CMIP: variants seen among roughly 807,000 people sequenced by gnomAD.
The protein encoded by CMIP is C-Maf-inducing protein.
CMIP carries 13 observed loss-of-function variants against 97.3 expected under a neutral mutation model. That is an observed-to-expected ratio of 0.13 (90% CI 0.09 to 0.21). The LOEUF (loss-of-function observed/expected upper bound fraction) is 0.21. Among genes scored for constraint, CMIP ranks in the 10% least tolerant of loss-of-function variants. The probability of loss-of-function intolerance (pLI) is 1.00; values close to 1 mark genes in which losing one functional copy is unlikely to be tolerated. For missense variants in CMIP, 847 were observed against 1,024.9 expected (o/e 0.83, Z 2.37); for synonymous variants, 538 against 436.3 (o/e 1.23, Z -2.91).
At chr16:81,522,697 C>T (rs534542416) in intron 1 of CMIP, among the ~76,000 whole-genome samples, 2 of 152,240 alleles carry the variant, frequency 1.3e-5, no homozygotes, top group East Asian at 3.9e-4. Context: ...ATTTCTACCG[C>T]CCCGACTAGA....
intron 16 of CMIP, among the ~76,000 whole-genome samples, chr16:81,702,137 A>T (rs964483017): frequency 6.6e-6 from 1 of 152,164 alleles, no homozygotes; most frequent in African/African-American, 2.4e-5. Context: ...GTATGTCCAC[A>T]TGCATATACT....
In CMIP at chr16:81,707,704, AAC is replaced by A. The variant is rs1171863800; in HGVS notation, c.2268+625_2268+626del. ...GGTGGAAGGCAGGGGCGTTTTAAGA[AAC>A]ACACGTGCACATCTTGGGAAGGTTG... On this transcript the variant is annotated intron_variant, in intron 20 of 20. Coordinates refer to ENST00000537098, the MANE Select transcript of CMIP (RefSeq NM_198390.3). Among the ~76,000 whole-genome samples, 8 of 152,220 alleles carry A rather than the reference AAC, an allele frequency of 5.3e-5. No individual in the cohort carries two copies. In the East Asian group the frequency reaches 1.5e-3, roughly 29 times the overall value.
intron 1 of CMIP, among the ~76,000 whole-genome samples, chr16:81,544,345 G>A (rs2090503659): frequency 6.6e-6 from 1 of 152,212 alleles, no homozygotes; most frequent in Non-Finnish European, 1.5e-5. Flanking sequence ...AGTCTCTTTG[G>A]TGCTATGTGT....
chr16:81,487,922 G>A (rs950569101), intron 1 of CMIP, among the ~76,000 whole-genome samples: 1 of 152,194 alleles, frequency 6.6e-6, no homozygotes, highest in African/African-American at 2.4e-5. Context: ...ATCTTCGAAT[G>A]CCTCTTCTTG....
chr16:81,622,086 C>G (rs1057376474), intron 3 of CMIP: 1 of 152,254 alleles, frequency 6.6e-6, no homozygotes, highest in Admixed American at 6.5e-5. Context: ...CTCTGCTAGT[C>G]TCATCATGTC....
intron 9 of CMIP, among the ~76,000 whole-genome samples, chr16:81,674,394 G>C (rs1567653116): frequency 6.6e-6 from 1 of 152,210 alleles, no homozygotes; most frequent in Non-Finnish European, 1.5e-5. Flanking sequence ...GCCTCCCAAA[G>C]TGCTGGGATT....
At chr16:81,500,558 C>T (rs1402071109) in intron 1 of CMIP, among the ~76,000 whole-genome samples, 7 of 150,040 alleles carry the variant, frequency 4.7e-5, no homozygotes, top group Admixed American at 2.7e-4. Flanking sequence ...GTGCGATCTC[C>T]GCTCACTGCA....
At chr16:81,545,926 C>A (rs936963315) in intron 1 of CMIP, among the ~76,000 whole-genome samples, 1 of 152,146 alleles carries the variant, frequency 6.6e-6, no homozygotes, top group African/African-American at 2.4e-5. Flanking sequence ...GGTGTCACCC[C>A]CTCACTGCAG....
intron 1 of CMIP, among the ~76,000 whole-genome samples, chr16:81,547,205 A>G (rs539218105): frequency 7.0e-4 from 106 of 152,288 alleles, no homozygotes; most frequent in South Asian, 1.9e-3. Context: ...AGGGAAGCAC[A>G]TATGTCAAGG....
intron 1 of CMIP, among the ~76,000 whole-genome samples, chr16:81,514,058 G>A (rs2089864173): frequency 6.6e-6 from 1 of 151,124 alleles, no homozygotes; most frequent in South Asian, 2.1e-4. Flanking sequence ...AAACAAAAAC[G>A]CCGCCAGCTT....
At chr16:81,661,753 C>G (rs935747725) in intron 6 of CMIP, among the ~76,000 whole-genome samples, 5 of 152,174 alleles carry the variant, frequency 3.3e-5, no homozygotes, top group African/African-American at 1.2e-4. Context: ...TTCCCGGCCC[C>G]CCACCCCTCA....
At chr16:81,538,697 C>T (rs977699188) in intron 1 of CMIP, among the ~76,000 whole-genome samples, 3 of 152,120 alleles carry the variant, frequency 2.0e-5, no homozygotes, top group African/African-American at 7.2e-5. Flanking sequence ...TGAGTCCACC[C>T]TGAAGAATGT....
At chr16:81,567,963 G>C (rs2091011853) in intron 1 of CMIP, among the ~76,000 whole-genome samples, 1 of 151,186 alleles carries the variant, frequency 6.6e-6, no homozygotes, top group Non-Finnish European at 1.5e-5. Context: ...GAGGCCAGAA[G>C]GCCTCAGTAT....
intron 3 of CMIP, among the ~76,000 whole-genome samples, chr16:81,651,745 C>T (rs1478445796): frequency 1.3e-5 from 2 of 152,112 alleles, no homozygotes; most frequent in Non-Finnish European, 2.9e-5. Context: ...TTTTTGAAGT[C>T]ATTGGAAACT....
chr16:81,667,793 A>AGT (rs1293557141), intron 7 of CMIP, among the ~76,000 whole-genome samples: 235 of 89,492 alleles, frequency 2.6e-3, no homozygotes, highest in East Asian at 0.022. Context: ...AGAGAGAGAG[A>AGT]GAGAGAGTGT....
intron 15 of CMIP, 22 bp downstream of exon 15, chr16:81,699,823 C>G: frequency 3.2e-6 from 5 of 1,539,680 alleles, no homozygotes; most frequent in Non-Finnish European, 4.5e-6. Context: ...GTCGGGGTCC[C>G]TGGTGGGGTG....
chr16:81,635,117 G>T lies in CMIP; in HGVS notation c.477+14191G>T, dbSNP rs541739085. Reference sequence around the variant, plus strand: ...GTATTTGCATTTTTTTATTTATTTGGTGGGTTGCAATTAAGCAGCGTTGTT... The same window carrying T: ...GTATTTGCATTTTTTTATTTATTTGTTGGGTTGCAATTAAGCAGCGTTGTT... On this transcript the variant is annotated intron_variant, in intron 3 of 20. Transcript: ENST00000537098. Among the ~76,000 whole-genome samples the T allele has an allele frequency of 3.9e-5, 6 of 152,300 alleles. No individual in the cohort carries two copies. In the South Asian group the frequency reaches 1.2e-3, roughly 32 times the overall value.
chr16:81,461,993 T>TTTC (rs1906926641), intron 1 of CMIP, among the ~76,000 whole-genome samples: 1 of 152,268 alleles, frequency 6.6e-6, no homozygotes. Flanking sequence ...TGAGGCTAGT[T>TTTC]TTCTTCCTCT....
chr16:81,575,475 G>C (rs754510495), intron 1 of CMIP, among the ~76,000 whole-genome samples: 1 of 152,148 alleles, frequency 6.6e-6, no homozygotes, highest in African/African-American at 2.4e-5. Context: ...AGTCGAGTCC[G>C]TAGATCATCT....
Sources: allele counts gnomAD v4.1 joint callset (sites outside exome capture counted in the v4.1 genomes callset), GRCh38; gene constraint gnomAD v4.1.1; transcripts MANE v1.5; gene names NCBI Gene and HGNC (gene_info 2026-07-23, HGNC 2026-07-21).